ERLIN2: variants seen among roughly 807,000 people sequenced by gnomAD.
ERLIN2 encodes erlin-2.
ERLIN2 carries 22 observed loss-of-function variants against 41.5 expected under a neutral mutation model. The observed-to-expected ratio is 0.53, with a 90% confidence interval of 0.38 to 0.76. The LOEUF (loss-of-function observed/expected upper bound fraction) is 0.76. Among genes scored for constraint, ERLIN2 ranks in the 30% least tolerant of loss-of-function variants. The pLI, the probability that ERLIN2 is intolerant of heterozygous loss-of-function variation, is 0.00. For missense variants in ERLIN2, 247 were observed against 414.3 expected (o/e 0.60, Z 3.51); for synonymous variants, 149 against 150.9 (o/e 0.99, Z 0.09).
intron 3 of ERLIN2, 116 bp downstream of exon 3, chr8:37,740,562 T>C: frequency 3.6e-6 from 2 of 559,576 alleles, no homozygotes; most frequent in South Asian, 1.5e-5. Context: ...GAGAATGATA[T>C]AAGGATAATA....
chr8:37,753,673 C>T (rs1803284942), intron 11 of ERLIN2, 144 bp downstream of exon 11: 2 of 818,824 alleles, frequency 2.4e-6, no homozygotes, highest in South Asian at 1.4e-5. Context: ...GGTGCAGGTA[C>T]TTTCCTTCTC....
chr8:37,737,586 T>A, intron 1 of ERLIN2: 1 of 371,844 alleles, frequency 2.7e-6, no homozygotes. Context: ...AAAGGTTCAG[T>A]GACAGCACAT....
chr8:37,741,885 A>C lies in ERLIN2; in HGVS notation c.236+67A>C. 1 of 1,272,562 alleles carries C rather than the reference A, an allele frequency of 7.9e-7. No homozygotes were observed. Among genetic ancestry groups the C allele is most frequent in the Non-Finnish European group, 1.2e-6 (1 of 869,352 alleles). 78.8% of individuals were successfully genotyped at this position (1,272,562 alleles called of 1,614,324 possible). On this transcript the variant is annotated intron_variant, in intron 4 of 11. Transcript: ENST00000519638. The surrounding 1 kb of genome is among the most constrained non-coding windows in gnomAD (Gnocchi z 4.8). Reference sequence around the variant, plus strand: ...GAGAAAAGGCTGTCTGGCTGGTTGCAGGAAGAGACAGTGAAAAGGGAGGCA... The same window carrying C: ...GAGAAAAGGCTGTCTGGCTGGTTGCCGGAAGAGACAGTGAAAAGGGAGGCA...
chr8:37,740,568 T>C (rs1802815361), intron 3 of ERLIN2, 122 bp downstream of exon 3: 2 of 481,430 alleles, frequency 4.2e-6, no homozygotes, highest in Non-Finnish European at 8.0e-6. Flanking sequence ...GATATAAGGA[T>C]AATATATACA....
At chr8:37,737,430 T>G (rs1802690061) in intron 1 of ERLIN2, 1 of 193,784 alleles carries the variant, frequency 5.2e-6, no homozygotes, top group Non-Finnish European at 1.1e-5. Flanking sequence ...CTGAAAGGAG[T>G]AAATAATGGT....
rs551003964 is a variant in ERLIN2, at chr8:37,757,401, T to C, written c.*3286T>C. 264 of 152,326 alleles carry C rather than the reference T, an allele frequency of 1.7e-3. 1 individual carries two copies. The highest frequency in any genetic ancestry group is 6.1e-3 in the African/African-American group (254 of 41,568). 9.4% of individuals were successfully genotyped at this position (152,326 alleles called of 1,614,324 possible). ...ACAGGTAATAACCAATCATTTTGTGTTTGTATTTCCATTCCTTTTTATTTC... is the reference window on the plus strand; with the variant it reads ...ACAGGTAATAACCAATCATTTTGTGCTTGTATTTCCATTCCTTTTTATTTC... On this transcript the variant is annotated 3_prime_UTR_variant, in exon 12 of 12. Transcript: ENST00000519638.
chr8:37,747,464 T>C, intron 6 of ERLIN2: 1 of 1,612,010 alleles, frequency 6.2e-7, no homozygotes, highest in Non-Finnish European at 8.5e-7. Flanking sequence ...ACTTTGGCAT[T>C]CTGTGCATAC....
chr8:37,753,603 T>C, intron 11 of ERLIN2, 74 bp downstream of exon 11: 1 of 1,366,356 alleles, frequency 7.3e-7, no homozygotes. Flanking sequence ...TTTCCAGTGT[T>C]GAGCGCCTGC....
chr8:37,744,471 C>T, intron 5 of ERLIN2, 55 bp downstream of exon 5: 4 of 1,605,578 alleles, frequency 2.5e-6, no homozygotes, highest in Non-Finnish European at 3.4e-6. Flanking sequence ...GCATGCCACT[C>T]CCGTGTCTGT....
chr8:37,750,089 C>T (rs886415329), intron 8 of ERLIN2: 1 of 631,404 alleles, frequency 1.6e-6, no homozygotes, highest in African/African-American at 1.8e-5. Context: ...TGAAAAGGGC[C>T]AGGGGGCCTT....
intron 6 of ERLIN2, chr8:37,747,792 T>C (rs1803105580): frequency 6.2e-7 from 1 of 1,613,558 alleles, no homozygotes; most frequent in Non-Finnish European, 8.5e-7. Context: ...CTTCGTCTTC[T>C]GTGTTACAAA....
At chr8:37,742,134 G>T (rs1231084402) in intron 4 of ERLIN2, among the ~76,000 whole-genome samples, 1 of 152,020 alleles carries the variant, frequency 6.6e-6, no homozygotes, top group Non-Finnish European at 1.5e-5. Flanking sequence ...ATGAGGTCAG[G>T]ATATCGAGAC....
In ERLIN2 at chr8:37,755,994, AC is replaced by A. The variant is rs1208358141; in HGVS notation, c.*1882del. On this transcript the variant is annotated 3_prime_UTR_variant, in exon 12 of 12. Transcript: ENST00000519638. ...CACCTGAGGTTAGGAGTTCGAGACC[AC>A]CCTGGCCAACATGCGAAACCCCATC... 6.6e-6 allele frequency: 1 copy of A among 152,224 alleles called. No individual in the cohort carries two copies. The highest frequency in any genetic ancestry group is 6.6e-5 in the Admixed American group (1 of 15,258). The allele number at this position is 152,224 out of a possible 1,614,324, so 9.4% of individuals were successfully genotyped here. A position where few individuals can be genotyped will look rare whatever the true frequency, so the allele number is the denominator to read the frequency against.
intron 8 of ERLIN2, chr8:37,750,112 TGACTCATGC>T (rs1803185026): frequency 1.6e-6 from 1 of 623,436 alleles, no homozygotes; most frequent in African/African-American, 1.8e-5. Flanking sequence ...TTGTGTTCAG[TGACTCATGC>T]CCAAGGTGGA....
At chr8:37,753,657 C>A in intron 11 of ERLIN2, 128 bp downstream of exon 11, 1 of 858,738 alleles carries the variant, frequency 1.2e-6, no homozygotes. Context: ...GATGCCTTTG[C>A]TGTGTGGTGC....
intron 10 of ERLIN2, 112 bp from the exon 11 acceptor site, chr8:37,753,338 T>C (rs1585918311): frequency 1.2e-6 from 1 of 824,656 alleles, no homozygotes; most frequent in Non-Finnish European, 2.1e-6. Context: ...ACAGAGGCAA[T>C]CAGGGGCGAA....
chr8:37,744,631 TC>T lies in ERLIN2; in HGVS notation c.361del (p.His121ThrfsTer4), dbSNP rs752389058. The T allele has an allele frequency of 6.2e-7, 1 of 1,614,096 alleles. No homozygotes were observed. The highest frequency in any genetic ancestry group is 2.2e-5 in the East Asian group (1 of 44,872). ...DYDKALIFNKIHHELNQFCSV... is the reference protein window; with the variant it reads ...DYDKALIFNKXHHELNQFCSV... ...GACAAGGCCCTCATCTTCAACAAGA[TC>T]CACCACGAACTGAACCAGTTCTGCA... On this transcript the variant is annotated frameshift_variant, in exon 6 of 12. Coordinates refer to ENST00000519638, the MANE Select transcript of ERLIN2 (RefSeq NM_007175.8). LOFTEE classifies it high-confidence loss of function.
chr8:37,741,210 G>A lies in ERLIN2; in HGVS notation c.190-562G>A, dbSNP rs140887294. ...TTATCCACTATTTCACTTTCCACAG[G>A]CTCAGTTACCCACAATAAACCATGG... is the stretch of plus-strand genomic sequence containing the variant. On this transcript the variant is annotated intron_variant, in intron 3 of 11. Coordinates refer to ENST00000519638, the MANE Select transcript of ERLIN2 (RefSeq NM_007175.8). This position sits in a 1 kb window ranked among gnomAD's most constrained non-coding sequence, Gnocchi z 4.8. Among the ~76,000 whole-genome samples, 90 of 152,124 alleles carry A rather than the reference G, an allele frequency of 5.9e-4. No individual in the cohort carries two copies. The highest frequency in any genetic ancestry group is 2.1e-3 in the African/African-American group (86 of 41,476).
rs1002805587 is a variant in ERLIN2, at chr8:37,741,934, C to T, written c.236+116C>T. ...CACCCTTTCTTGGTTAATTCCCTGT[C>T]TCGTAGCTCCCTATATTGATTTGAC... On this transcript the variant is annotated intron_variant, in intron 4 of 11. Transcript: ENST00000519638. The surrounding 1 kb of genome is among the most constrained non-coding windows in gnomAD (Gnocchi z 4.8). The T allele has an allele frequency of 8.3e-5, 64 of 769,786 alleles. 1 individual carries two copies. The South Asian group carries it at 9.1e-4, about 11-fold the overall frequency. 47.7% of individuals were successfully genotyped at this position (769,786 alleles called of 1,614,324 possible).
Sources: allele counts gnomAD v4.1 joint callset (sites outside exome capture counted in the v4.1 genomes callset), GRCh38; gene constraint gnomAD v4.1.1; non-coding constraint Gnocchi (gnomAD v3.1); transcripts MANE v1.5; gene names NCBI Gene and HGNC (gene_info 2026-07-23, HGNC 2026-07-21).